Variants in ZNF541 observed in about 807,000 individuals in gnomAD.
ZNF541 encodes zinc finger protein 541.
In ZNF541, 23 loss-of-function variants were observed where a neutral mutation model predicts 123.5. The ratio of observed to expected loss-of-function variants is 0.19; its 90% CI spans 0.13 to 0.26. The LOEUF is 0.26. Among genes scored for constraint, ZNF541 ranks in the 10% least tolerant of loss-of-function variants. The pLI is 1.00. For missense variants in ZNF541, 1,612 were observed against 1,789.9 expected (o/e 0.90, Z 1.79); for synonymous variants, 751 against 754.5 (o/e 1.00, Z 0.08).
At chr19:47,548,944 T>A (rs1970479067) in intron 4 of ZNF541, among the ~76,000 whole-genome samples, 1 of 151,460 alleles carries the variant, frequency 6.6e-6, no homozygotes, top group East Asian at 1.9e-4. Flanking sequence ...CTGGGTGTGG[T>A]GGCGGGCGCT....
Position 47,521,487 on chromosome 19 carries a change from C to T in ZNF541, c.3879G>A (p.Glu1293=), listed in dbSNP as rs1457535185. 6.4e-6 allele frequency: 10 copies of T among 1,551,530 alleles called. No homozygotes were observed. Among genetic ancestry groups the T allele is most frequent in the East Asian group, 4.9e-5 (2 of 40,888 alleles). Reference sequence around the variant, plus strand: ...AGGAGAAAGCTGGGTACCTTTCACACTCTCTGCATGGAAAAATGCCCTGGC... The same window carrying T: ...AGGAGAAAGCTGGGTACCTTTCACATTCTCTGCATGGAAAAATGCCCTGGC... ...AESQGIFPCR[E]CERVFDKIKS... Residue 1293 remains glutamate (E), a synonymous_variant, in exon 16 of 17, where the codon GAG becomes GAA. Transcript: ENST00000391901. The surrounding 1 kb of genome is among the most constrained non-coding windows in gnomAD (Gnocchi z 4.2).
chr19:47,551,969 T>C (rs138773397), intron 3 of ZNF541, among the ~76,000 whole-genome samples: 1 of 152,198 alleles, frequency 6.6e-6, no homozygotes, highest in African/African-American at 2.4e-5. Flanking sequence ...GTGATTCTCC[T>C]GCGTCAGCCT....
chr19:47,545,011 G>C lies in ZNF541; in HGVS notation c.1518C>G (p.Val506=). ...TCTGGCACAGGAAGGAGTCGCAGTCGACCTTGACCTTCTTGGGGGCGCAGG... is the reference window on the plus strand; with the variant it reads ...TCTGGCACAGGAAGGAGTCGCAGTCCACCTTGACCTTCTTGGGGGCGCAGG... The part of the protein sequence containing the change: ...DDPCAPKKVK[V]DCDSFLCQNP... Residue 506 remains valine, a synonymous_variant, in exon 5 of 17, where the codon GTC becomes GTG. Transcript: ENST00000391901. The surrounding 1 kb of genome is among the most constrained non-coding windows in gnomAD (Gnocchi z 7.5). 6.6e-7 allele frequency: 1 copy of C among 1,510,254 alleles called. No individual in the cohort carries two copies. The highest frequency in any genetic ancestry group is 8.8e-7 in the Non-Finnish European group (1 of 1,134,498). The allele number at this position is 1,510,254 out of a possible 1,614,324, so 93.6% of individuals were successfully genotyped here. A position where few individuals can be genotyped will look rare whatever the true frequency, so the allele number is the denominator to read the frequency against.
chr19:47,550,244 T>C (rs1970536807), intron 3 of ZNF541, among the ~76,000 whole-genome samples: 1 of 146,630 alleles, frequency 6.8e-6, no homozygotes, highest in East Asian at 2.0e-4. Flanking sequence ...AGAGTGGGAC[T>C]CTGTCAAAGA....
At chr19:47,532,424 G>A (rs980129145) in intron 10 of ZNF541, among the ~76,000 whole-genome samples, 154 bp from the exon 11 acceptor site, 1 of 152,084 alleles carries the variant, frequency 6.6e-6, no homozygotes, top group African/African-American at 2.4e-5. Flanking sequence ...TGCTGTTCCC[G>A]ACAGATGCAC....
At position 47,521,445 on chromosome 19, in the gene ZNF541, G is replaced by A. The variant is rs2122817443; in HGVS notation, c.3887+34C>T. ...GGGATCACAGGGGCTGAGGCTGGGAGCCCTGGGAGTGTTTCCAGGAGAAAG... is the reference window on the plus strand; with the variant it reads ...GGGATCACAGGGGCTGAGGCTGGGAACCCTGGGAGTGTTTCCAGGAGAAAG... On this transcript the variant is annotated intron_variant, in intron 16 of 16. Coordinates refer to ENST00000391901, the MANE Select transcript of ZNF541 (RefSeq NM_001277075.3). This position sits in a 1 kb window ranked among gnomAD's most constrained non-coding sequence, Gnocchi z 4.2. The A allele has an allele frequency of 6.4e-7, 1 of 1,550,600 alleles. No homozygotes were observed. Among genetic ancestry groups the A allele is most frequent in the East Asian group, 2.4e-5 (1 of 40,886 alleles).
At position 47,539,807 on chromosome 19, in the gene ZNF541, T is replaced by G; in HGVS notation, c.2694A>C (p.Pro898=). Residue 898 remains proline, a synonymous_variant, in exon 8 of 17, where the codon CCA becomes CCC. Coordinates refer to ENST00000391901, the MANE Select transcript of ZNF541 (RefSeq NM_001277075.3). The stretch of plus-strand genomic sequence containing the variant: ...TGGGGTCCAAGGGCTTCTTGGTTCC[T>G]GGGGGACTATGCCTGTCCCCTTCTG... ...LRPEGDRHSP[P]GTKKPLDPTA... The G allele has an allele frequency of 1.3e-6, 2 of 1,489,758 alleles. No homozygotes were observed. The highest frequency in any genetic ancestry group is 1.8e-6 in the Non-Finnish European group (2 of 1,127,940). 92.3% of individuals were successfully genotyped at this position (1,489,758 alleles called of 1,614,324 possible). A position where few individuals can be genotyped will look rare whatever the true frequency, so the allele number is the denominator to read the frequency against.
chr19:47,549,230 C>T lies in ZNF541; in HGVS notation c.548+15G>A. On this transcript the variant is annotated intron_variant, in intron 4 of 16. Transcript: ENST00000391901. The stretch of plus-strand genomic sequence containing the variant: ...GCCCCTGAACAGACGTTTTTCTGAC[C>T]AGACTCCCACATACAGGTGGTCCTG... 1.9e-6 allele frequency: 3 copies of T among 1,551,798 alleles called. No individual in the cohort carries two copies. Among genetic ancestry groups the T allele is most frequent in the Non-Finnish European group, 2.6e-6 (3 of 1,146,948 alleles).
intron 9 of ZNF541, among the ~76,000 whole-genome samples, chr19:47,533,283 C>T (rs1480066866): frequency 7.1e-6 from 1 of 141,052 alleles, no homozygotes; most frequent in East Asian, 2.2e-4. Flanking sequence ...TGGCGTGAAC[C>T]CAGGAGGCGG....
At position 47,538,045 on chromosome 19, in the gene ZNF541, G is replaced by A. The variant is rs1599978765; in HGVS notation, c.3094+97C>T. The A allele has an allele frequency of 3.6e-6, 5 of 1,391,356 alleles. No homozygotes were observed. The East Asian group carries it at 1.2e-4, about 35-fold the overall frequency. The allele number at this position is 1,391,356 out of a possible 1,614,324, so 86.2% of individuals were successfully genotyped here. ...CCTCAGACTAGGTACACCCAGGCAG[G>A]AGACAATCACTGAACCCAATGCTAC... On this transcript the variant is annotated intron_variant, in intron 9 of 16. Coordinates refer to ENST00000391901, the MANE Select transcript of ZNF541 (RefSeq NM_001277075.3).
intron 14 of ZNF541, among the ~76,000 whole-genome samples, chr19:47,527,418 G>T (rs922668637): frequency 3.3e-5 from 5 of 152,010 alleles, no homozygotes; most frequent in African/African-American, 1.2e-4. Context: ...TCGGGGTGGT[G>T]AGAGTCTCAT....
intron 3 of ZNF541, among the ~76,000 whole-genome samples, chr19:47,550,027 G>A (rs1007440796): frequency 2.6e-5 from 4 of 152,096 alleles, no homozygotes; most frequent in Admixed American, 6.6e-5. Context: ...TGAAGCAGGC[G>A]GATCATTTGA....
At chr19:47,539,596 C>T in intron 8 of ZNF541, 109 bp downstream of exon 8, 1 of 1,242,636 alleles carries the variant, frequency 8.0e-7, no homozygotes, top group Non-Finnish European at 1.0e-6. Context: ...GCCACCACAT[C>T]CAGCCTGGAG....
chr19:47,572,602 A>C (rs1357053394), intron 1 of ZNF541, among the ~76,000 whole-genome samples: 3 of 151,912 alleles, frequency 2.0e-5, no homozygotes, highest in Non-Finnish European at 4.4e-5. Flanking sequence ...AAAAAGGGAT[A>C]AATCTGGGTG....
chr19:47,560,065 G>A (rs1970998034), intron 2 of ZNF541, among the ~76,000 whole-genome samples: 1 of 152,090 alleles, frequency 6.6e-6, no homozygotes, highest in Non-Finnish European at 1.5e-5. Context: ...GTGGCTCCCT[G>A]AAAGCCCAAT....
chr19:47,572,163 C>T (rs1273694425), intron 1 of ZNF541, among the ~76,000 whole-genome samples, 121 bp from the exon 2 acceptor site: 2 of 152,202 alleles, frequency 1.3e-5, no homozygotes, highest in African/African-American at 4.8e-5. Flanking sequence ...GCAGTATCAA[C>T]AGCGGAGATT....
intron 2 of ZNF541, among the ~76,000 whole-genome samples, chr19:47,569,529 T>G (rs1971397564): frequency 6.6e-6 from 1 of 152,086 alleles, no homozygotes; most frequent in Non-Finnish European, 1.5e-5. Context: ...CTGGGACTCC[T>G]GCTTCACACT....
At chr19:47,540,442 C>CTTT (rs776309064) in intron 6 of ZNF541, 107 bp from the exon 7 acceptor site, 71 of 951,468 alleles carry the variant, frequency 7.5e-5, no homozygotes, top group Middle Eastern at 2.7e-4. Flanking sequence ...AATCCACTGA[C>CTTT]TTTTTTTTTT....
chr19:47,546,876 C>T (rs1040233921), intron 4 of ZNF541, among the ~76,000 whole-genome samples: 11 of 152,090 alleles, frequency 7.2e-5, no homozygotes, highest in African/African-American at 2.7e-4. Context: ...CGTGCCACCA[C>T]GCCCAGCTAA....
Sources: allele counts gnomAD v4.1 joint callset (sites outside exome capture counted in the v4.1 genomes callset), GRCh38; gene constraint gnomAD v4.1.1; non-coding constraint Gnocchi (gnomAD v3.1); transcripts MANE v1.5; gene names NCBI Gene and HGNC (gene_info 2026-07-23, HGNC 2026-07-21).